PDE11A: variants seen among roughly 807,000 people sequenced by gnomAD.
PDE11A encodes phosphodiesterase 11A.
A neutral mutation model predicts 100.5 loss-of-function variants in PDE11A; 100 were observed. The observed-to-expected ratio is 1.00, with a 90% CI of 0.85 to 1.18. PDE11A has a LOEUF of 1.18. PDE11A is among the 50% of genes most tolerant of loss of function. PDE11A has a pLI of 0.00. For synonymous variants in PDE11A, 381 were observed against 420.8 expected, an observed-to-expected ratio of 0.91 and a Z score of 1.16; for missense variants, 1,141 against 1,152.6, an observed-to-expected ratio of 0.99 and a Z score of 0.15.
intron 10 of PDE11A, among the ~76,000 whole-genome samples, chr2:177,736,324 C>A (rs1002732361): frequency 6.6e-6 from 1 of 151,764 alleles, no homozygotes; most frequent in African/African-American, 2.4e-5. Flanking sequence ...CCAGCCTGGA[C>A]AACATGGTGA....
chr2:177,902,399 G>A (rs915291285), intron 3 of PDE11A, among the ~76,000 whole-genome samples: 1 of 152,160 alleles, frequency 6.6e-6, no homozygotes, highest in African/African-American at 2.4e-5. Context: ...AAACAGCCTT[G>A]TTGCTCACAC....
At chr2:177,875,641 A>G (rs2084224044) in intron 5 of PDE11A, among the ~76,000 whole-genome samples, 2 of 152,090 alleles carry the variant, frequency 1.3e-5, no homozygotes, top group African/African-American at 4.8e-5. Context: ...TCAGCCTCCC[A>G]AAGTGCTGGG....
Position 177,759,173 on chromosome 2 carries a change from G to GCACACA in PDE11A, c.1788+10144_1788+10149dup, listed in dbSNP as rs10541503. Among the ~76,000 whole-genome samples the GCACACA allele has an allele frequency of 1.7e-3, 248 of 147,518 alleles. 1 individual carries two copies. The highest frequency in any genetic ancestry group is 3.4e-3 in the Middle Eastern group (1 of 290). The stretch of plus-strand genomic sequence containing the variant: ...ACTATCCCGTTAAGTTGGAGCACGT[G>GCACACA]CACACACACACACACACACACACAC... On this transcript the variant is annotated intron_variant, in intron 10 of 19. Transcript: ENST00000286063.
At chr2:177,941,164 C>A (rs963472646) in intron 2 of PDE11A, among the ~76,000 whole-genome samples, 1 of 152,182 alleles carries the variant, frequency 6.6e-6, no homozygotes, top group Non-Finnish European at 1.5e-5. Flanking sequence ...TTAATCCTCA[C>A]GGCAATCTTC....
At chr2:177,745,846 G>A (rs1344480066) in intron 10 of PDE11A, among the ~76,000 whole-genome samples, 1 of 152,212 alleles carries the variant, frequency 6.6e-6, no homozygotes, top group Non-Finnish European at 1.5e-5. Flanking sequence ...CCTGAGAGGT[G>A]GGGATGGTAT....
chr2:177,655,154 A>G (rs2080362684), intron 19 of PDE11A, among the ~76,000 whole-genome samples: 1 of 152,136 alleles, frequency 6.6e-6, no homozygotes, highest in Non-Finnish European at 1.5e-5. Context: ...ATTTTTTTCC[A>G]TTGGATTCCA....
rs113744774 is a variant in PDE11A at position 177,986,177 on chromosome 2, T to C, written c.1071+28125A>G. Among the ~76,000 whole-genome samples, 440 of 152,244 alleles carry C rather than the reference T, an allele frequency of 2.9e-3. 2 individuals carry two copies. Among genetic ancestry groups the C allele is most frequent in the African/African-American group, 0.01 (427 of 41,528 alleles). On this transcript the variant is annotated intron_variant, in intron 2 of 19. Transcript: ENST00000286063. The stretch of plus-strand genomic sequence containing the variant: ...CACAGGTAAAACACACCTGTTATCA[T>C]CTTCCACCTGGAGACCTTCAGGAAA...
At chr2:177,894,656 C>T (rs1373136011) in intron 4 of PDE11A, among the ~76,000 whole-genome samples, 1 of 152,126 alleles carries the variant, frequency 6.6e-6, no homozygotes, top group Non-Finnish European at 1.5e-5. Flanking sequence ...ACGAAACAGA[C>T]TCTTTGTGGC....
At chr2:177,654,183 TACA>T (rs2080348415) in intron 19 of PDE11A, among the ~76,000 whole-genome samples, 5 of 152,194 alleles carry the variant, frequency 3.3e-5, no homozygotes, top group Admixed American at 2.6e-4. Context: ...TTAAATAAAT[TACA>T]ACAAGTCAAT....
intron 2 of PDE11A, among the ~76,000 whole-genome samples, chr2:177,996,436 C>T (rs79388043): frequency 6.7e-6 from 1 of 149,808 alleles, no homozygotes; most frequent in South Asian, 2.1e-4. Context: ...TGATTTATGT[C>T]GTGTAGTCAA....
intron 2 of PDE11A, among the ~76,000 whole-genome samples, chr2:177,965,600 C>G (rs1238094458): frequency 6.6e-6 from 1 of 152,152 alleles, no homozygotes; most frequent in African/African-American, 2.4e-5. Flanking sequence ...ATCCCAGCAC[C>G]ATTTATTGAA....
upstream of PDE11A, among the ~76,000 whole-genome samples, chr2:178,075,230 C>T (rs1481707806): frequency 2.6e-5 from 4 of 152,076 alleles, no homozygotes; most frequent in African/African-American, 7.2e-5. Flanking sequence ...GTGACTTCTG[C>T]CTTGAGGGGA....
At chr2:177,686,546 G>C (rs945440522) in intron 15 of PDE11A, among the ~76,000 whole-genome samples, 3 of 152,030 alleles carry the variant, frequency 2.0e-5, no homozygotes, top group Non-Finnish European at 4.4e-5. Context: ...CAGCCTGGGC[G>C]ACAGAGTGAG....
chr2:177,964,429 T>C (rs568779569), intron 2 of PDE11A, among the ~76,000 whole-genome samples: 1 of 152,330 alleles, frequency 6.6e-6, no homozygotes, highest in South Asian at 2.1e-4. Flanking sequence ...TGTGCAGGTT[T>C]GTTACATGGG....
At chr2:178,095,861 G>C (rs1463837144) in intron 2 of PDE11A, among the ~76,000 whole-genome samples, 2 of 152,210 alleles carry the variant, frequency 1.3e-5, no homozygotes, top group African/African-American at 4.8e-5. Context: ...GACCTGAGCT[G>C]TACCTTGGCC....
intron 5 of PDE11A, among the ~76,000 whole-genome samples, chr2:177,855,613 T>C (rs143912830): frequency 3.3e-4 from 50 of 152,174 alleles, no homozygotes; most frequent in African/African-American, 1.1e-3. Context: ...CCCCAGAGAA[T>C]TGTCACTATT....
chr2:177,928,934 T>C (rs2085168697), intron 2 of PDE11A, among the ~76,000 whole-genome samples: 1 of 152,212 alleles, frequency 6.6e-6, no homozygotes, highest in Admixed American at 6.5e-5. Flanking sequence ...TCAATATTTA[T>C]GTTCCTTAAA....
At chr2:177,946,072 T>C (rs1186897233) in intron 2 of PDE11A, among the ~76,000 whole-genome samples, 153 of 74,494 alleles carry the variant, frequency 2.1e-3, no homozygotes, top group Middle Eastern at 0.015. Flanking sequence ...GCCCCCCGCC[T>C]GGCCAGCCGC....
chr2:177,970,681 T>A (rs1023308909), intron 2 of PDE11A, among the ~76,000 whole-genome samples: 2 of 151,900 alleles, frequency 1.3e-5, no homozygotes, highest in African/African-American at 4.8e-5. Flanking sequence ...CATAAAAGTG[T>A]TAGTTGAAAT....
Sources: allele counts gnomAD v4.1 joint callset (sites outside exome capture counted in the v4.1 genomes callset), GRCh38; gene constraint gnomAD v4.1.1; transcripts MANE v1.5; gene names NCBI Gene and HGNC (gene_info 2026-07-23, HGNC 2026-07-21).